Variants in DPP10 observed in about 807,000 individuals in gnomAD.
DPP10 encodes dipeptidyl peptidase like 10.
Under a neutral mutation model 120.9 loss-of-function variants are expected in DPP10, and 33 were observed. The observed-to-expected ratio is 0.27, with a 90% CI of 0.21 to 0.37. The LOEUF (loss-of-function observed/expected upper bound fraction) is 0.37. Ranked by LOEUF, DPP10 falls within the 10% of genes least tolerant of loss-of-function variation. The pLI, the probability that DPP10 is intolerant of heterozygous loss-of-function variation, is 1.00. For missense variants in DPP10, 816 were observed against 942.8 expected (o/e 0.87, Z 1.76); for synonymous variants, 337 against 326.1 (o/e 1.03, Z -0.36).
At chr2:115,009,485 G>A (rs981471881) in intron 1 of DPP10, among the ~76,000 whole-genome samples, 4 of 151,752 alleles carry the variant, frequency 2.6e-5, no homozygotes, top group East Asian at 3.9e-4. Context: ...GCTAGATGAC[G>A]AGTTAGTGGG....
intron 3 of DPP10, among the ~76,000 whole-genome samples, chr2:115,347,584 C>T (rs1031618761): frequency 1.3e-5 from 2 of 151,954 alleles, no homozygotes; most frequent in Admixed American, 6.6e-5. Context: ...CTGCACCCAT[C>T]GTCCCATCAT....
chr2:115,213,889 A>G (rs549703612), intron 1 of DPP10, among the ~76,000 whole-genome samples: 33 of 152,270 alleles, frequency 2.2e-4, no homozygotes, highest in Non-Finnish European at 2.4e-4. Flanking sequence ...TAAGAGATTT[A>G]TACACTGACT....
intron 1 of DPP10, among the ~76,000 whole-genome samples, chr2:115,045,468 G>T (rs1704993677): frequency 6.6e-6 from 1 of 151,950 alleles, no homozygotes; most frequent in Non-Finnish European, 1.5e-5. Flanking sequence ...TCTAACTTTG[G>T]AAAGTTCTAT....
At chr2:115,100,600 A>G (rs1227651578) in intron 1 of DPP10, among the ~76,000 whole-genome samples, 1 of 151,896 alleles carries the variant, frequency 6.6e-6, no homozygotes, top group African/African-American at 2.4e-5. Context: ...ATATGTATCA[A>G]TTGGTCTCTG....
At chr2:115,483,147 AGTTAC>A (rs2075542206) in intron 3 of DPP10, among the ~76,000 whole-genome samples, 1 of 152,102 alleles carries the variant, frequency 6.6e-6, no homozygotes, top group Non-Finnish European at 1.5e-5. Flanking sequence ...AAATCATGGT[AGTTAC>A]GTTACCTCCA....
At chr2:115,749,117 C>T (rs1678384563) in intron 10 of DPP10, among the ~76,000 whole-genome samples, 1 of 152,096 alleles carries the variant, frequency 6.6e-6, no homozygotes, top group Admixed American at 6.5e-5. Context: ...AAGGAAGAAA[C>T]ATTTTGTCAA....
At chr2:115,611,548 G>A (rs1272373612) in intron 5 of DPP10, among the ~76,000 whole-genome samples, 1 of 151,984 alleles carries the variant, frequency 6.6e-6, no homozygotes, top group African/African-American at 2.4e-5. Flanking sequence ...AAACTTTTTG[G>A]GACTATATGA....
intron 1 of DPP10, among the ~76,000 whole-genome samples, chr2:114,493,520 C>T (rs768793891): frequency 9.9e-5 from 15 of 151,914 alleles, no homozygotes; most frequent in Non-Finnish European, 1.3e-4. Flanking sequence ...GGTACTTGCT[C>T]GAATCTCTCA....
At chr2:114,987,873 G>T (rs868312521) in intron 1 of DPP10, among the ~76,000 whole-genome samples, 16 of 140,678 alleles carry the variant, frequency 1.1e-4, no homozygotes, top group African/African-American at 4.2e-4. Flanking sequence ...GCTCGATCTC[G>T]GCTCACTGCA....
At chr2:114,658,228 G>A (rs1039815170) in intron 1 of DPP10, among the ~76,000 whole-genome samples, 2 of 152,128 alleles carry the variant, frequency 1.3e-5, no homozygotes, top group Admixed American at 6.6e-5. Flanking sequence ...TTGAAGCACA[G>A]ATAAGATTTG....
intron 5 of DPP10, among the ~76,000 whole-genome samples, chr2:115,633,427 G>T (rs2086056611): frequency 1.3e-5 from 2 of 152,258 alleles, no homozygotes; most frequent in Non-Finnish European, 2.9e-5. Flanking sequence ...ACCAGGGTCT[G>T]TTGTGGGGTG....
At chr2:114,499,830 T>C (rs995820128) in intron 1 of DPP10, among the ~76,000 whole-genome samples, 7 of 152,234 alleles carry the variant, frequency 4.6e-5, no homozygotes, top group African/African-American at 1.7e-4. Flanking sequence ...TTGTGATGCT[T>C]ATTTAAAATA....
intron 1 of DPP10, among the ~76,000 whole-genome samples, chr2:114,550,882 C>T (rs533422913): frequency 3.3e-5 from 5 of 152,198 alleles, no homozygotes; most frequent in Non-Finnish European, 7.3e-5. Flanking sequence ...TCTTTCAATT[C>T]TTGTCTCTGA....
At chr2:115,116,449 T>G (rs556824044) in intron 1 of DPP10, among the ~76,000 whole-genome samples, 1 of 152,338 alleles carries the variant, frequency 6.6e-6, no homozygotes, top group Non-Finnish European at 1.5e-5. Context: ...GTTATGTATT[T>G]TTCCCAAGCT....
rs937935565 is a variant in DPP10, at chr2:115,316,195, T to A, written c.175+6842T>A. ...ATTGCATAGATACTATTCATTTATT[T>A]ACATTCTAGAGTATTCATCTGAGTC... On this transcript the variant is annotated intron_variant, in intron 2 of 25. Transcript: ENST00000410059. 4.6e-5 allele frequency among the ~76,000 whole-genome samples: 7 copies of A among 152,300 alleles called. No homozygotes were observed. In the East Asian group the frequency reaches 1.4e-3, roughly 29 times the overall value.
chr2:115,734,624 C>G (rs1267574318), intron 8 of DPP10, among the ~76,000 whole-genome samples: 1 of 142,840 alleles, frequency 7.0e-6, no homozygotes, highest in African/African-American at 2.7e-5. Context: ...CCACTGCACT[C>G]CAGCCTGGGC....
At chr2:115,757,375 A>G (rs1394524082) in intron 11 of DPP10, among the ~76,000 whole-genome samples, 1 of 152,072 alleles carries the variant, frequency 6.6e-6, no homozygotes, top group East Asian at 1.9e-4. Flanking sequence ...ACAGTTCTGC[A>G]TGTCTGGGGA....
intron 1 of DPP10, among the ~76,000 whole-genome samples, chr2:114,619,379 A>ATG (rs1491151263): frequency 2.3e-4 from 33 of 140,740 alleles, no homozygotes; most frequent in African/African-American, 9.9e-4. Context: ...ATATATATAC[A>ATG]TATGTGTGTG....
chr2:115,196,801 G>C (rs1281641994), intron 1 of DPP10, among the ~76,000 whole-genome samples: 1 of 152,162 alleles, frequency 6.6e-6, no homozygotes, highest in Non-Finnish European at 1.5e-5. Flanking sequence ...GGATGTGTGG[G>C]TGTGGTATGC....
Sources: allele counts gnomAD v4.1 joint callset (sites outside exome capture counted in the v4.1 genomes callset), GRCh38; gene constraint gnomAD v4.1.1; transcripts MANE v1.5; gene names NCBI Gene and HGNC (gene_info 2026-07-23, HGNC 2026-07-21).